Variants in NFIB observed in about 807,000 individuals in gnomAD.
The protein encoded by NFIB is nuclear factor I B.
A neutral mutation model predicts 61.5 loss-of-function variants in NFIB; 11 were observed. The ratio of observed to expected loss-of-function variants is 0.18; its 90% CI spans 0.11 to 0.30. The LOEUF is 0.30. Ranked by LOEUF, NFIB falls within the 10% of genes least tolerant of loss-of-function variation. NFIB has a pLI of 1.00. For synonymous variants in NFIB, 260 were observed against 216.5 expected (o/e 1.20, Z -1.76); for missense variants, 471 against 608.9 (o/e 0.77, Z 2.38).
chr9:14,221,412 A>C (rs1301977272), intron 2 of NFIB, among the ~76,000 whole-genome samples: 1 of 152,220 alleles, frequency 6.6e-6, no homozygotes, highest in Non-Finnish European at 1.5e-5. Flanking sequence ...AGCTAGATTT[A>C]AGCCATGAAA....
At chr9:14,254,213 A>C (rs2055963204) in intron 2 of NFIB, among the ~76,000 whole-genome samples, 2 of 152,226 alleles carry the variant, frequency 1.3e-5, no homozygotes. Context: ...AGGCATAAGA[A>C]TCGCTTGAAC....
rs549096307 is a variant in NFIB at position 14,306,740 on chromosome 9, T to C, written c.562+249A>G. On this transcript the variant is annotated intron_variant, in intron 2 of 10. Transcript: ENST00000380953. ...AAAAACAGTATTATTTTAAAGATAC[T>C]TGAAAACGCACCTCTTTGTGGTCTT... is the stretch of plus-strand genomic sequence containing the variant. Among the ~76,000 whole-genome samples, 5 of 152,338 alleles carry C rather than the reference T, an allele frequency of 3.3e-5. No individual in the cohort carries two copies. In the South Asian group the frequency reaches 1.0e-3, roughly 32 times the overall value.
intron 1 of NFIB, chr9:14,322,015 C>G: frequency 8.2e-7 from 1 of 1,222,154 alleles, no homozygotes; most frequent in Non-Finnish European, 1.0e-6. Context: ...CTTGACGTGT[C>G]TCAGGTACAG....
chr9:14,497,932 G>C, the NFIB span, among the ~76,000 whole-genome samples: 2 of 152,204 alleles, frequency 1.3e-5, no homozygotes, highest in African/African-American at 2.4e-5. Context: ...TTCAGAGATG[G>C]AGGAAGTACC....
At chr9:14,210,026 TAA>T (rs1421907194) in intron 2 of NFIB, among the ~76,000 whole-genome samples, 1 of 152,218 alleles carries the variant, frequency 6.6e-6, no homozygotes, top group African/African-American at 2.4e-5. Flanking sequence ...ATACTTGAAT[TAA>T]GTCATATAAA....
intron 10 of NFIB, among the ~76,000 whole-genome samples, chr9:14,100,954 G>A (rs1203943197): frequency 1.3e-5 from 2 of 152,064 alleles, no homozygotes; most frequent in Admixed American, 1.3e-4. Flanking sequence ...AACTGATAGA[G>A]CATGAAATAT....
At chr9:14,126,543 G>A (rs1218519489) in intron 6 of NFIB, among the ~76,000 whole-genome samples, 2 of 152,200 alleles carry the variant, frequency 1.3e-5, no homozygotes, top group African/African-American at 2.4e-5. Flanking sequence ...TGTGAATGAG[G>A]ATGACATTCT....
intron 1 of NFIB, among the ~76,000 whole-genome samples, chr9:14,387,955 A>AC (rs150559210): frequency 0.016 from 2,385 of 152,176 alleles, 56 homozygotes; most frequent in African/African-American, 0.055. Flanking sequence ...CACTTCTTCT[A>AC]CCCAACTGTG....
intron 2 of NFIB, among the ~76,000 whole-genome samples, chr9:14,285,499 A>G (rs1419926785): frequency 6.6e-6 from 1 of 152,156 alleles, no homozygotes; most frequent in African/African-American, 2.4e-5. Context: ...AGACTATATA[A>G]TATTTTCTTT....
chr9:14,246,422 G>A (rs959143290), intron 2 of NFIB, among the ~76,000 whole-genome samples: 2 of 152,016 alleles, frequency 1.3e-5, no homozygotes, highest in African/African-American at 4.8e-5. Flanking sequence ...CCTTCACCCT[G>A]CAAAATCCCA....
intron 2 of NFIB, among the ~76,000 whole-genome samples, chr9:14,200,761 T>C (rs1294465541): frequency 1.3e-5 from 2 of 152,200 alleles, no homozygotes; most frequent in African/African-American, 4.8e-5. Context: ...GGCCATCTTC[T>C]TGTCTTTGTA....
intron 6 of NFIB, among the ~76,000 whole-genome samples, chr9:14,128,854 CT>C (rs2040039816): frequency 6.6e-6 from 1 of 152,028 alleles, no homozygotes; most frequent in African/African-American, 2.4e-5. Flanking sequence ...CATGGGTCTC[CT>C]TTTGTAAAGG....
At chr9:14,193,066 G>A (rs779331055) in intron 2 of NFIB, among the ~76,000 whole-genome samples, 1 of 151,246 alleles carries the variant, frequency 6.6e-6, no homozygotes, top group African/African-American at 2.4e-5. Context: ...TCAGTACTAA[G>A]TACAAAATTC....
chr9:14,179,048 T>A (rs1295668722), intron 3 of NFIB, among the ~76,000 whole-genome samples: 1 of 152,140 alleles, frequency 6.6e-6, no homozygotes, highest in Non-Finnish European at 1.5e-5. Flanking sequence ...AAAAACTGCT[T>A]GTGCTAGTTT....
At chr9:14,345,094 G>T (rs930928050) in intron 1 of NFIB, among the ~76,000 whole-genome samples, 4 of 152,158 alleles carry the variant, frequency 2.6e-5, no homozygotes, top group African/African-American at 9.7e-5. Context: ...CCTCCCTGGG[G>T]GAACTGGCCA....
the NFIB span, among the ~76,000 whole-genome samples, chr9:14,431,787 A>G: frequency 6.6e-6 from 1 of 152,116 alleles, no homozygotes; most frequent in African/African-American, 2.4e-5. Flanking sequence ...GACAGAGGAG[A>G]GAAAACAGGA....
chr9:14,339,534 C>A lies in NFIB; in HGVS notation c.109-32014G>T, dbSNP rs137975150. Among the ~76,000 whole-genome samples the A allele has an allele frequency of 5.3e-3, 805 of 152,268 alleles. 7 individuals carry two copies. The highest frequency in any genetic ancestry group is 0.018 in the African/African-American group (743 of 41,534). The stretch of plus-strand genomic sequence containing the variant: ...GTTCACATCTCTGATATCCCCATGG[C>A]TCTTGCTGCTCTCACTGGTAGTAGC... On this transcript the variant is annotated intron_variant, in intron 1 of 8. Coordinates refer to the NFIB transcript ENST00000380934.
the NFIB span, among the ~76,000 whole-genome samples, chr9:14,491,855 T>C: frequency 6.6e-6 from 1 of 152,168 alleles, no homozygotes; most frequent in Non-Finnish European, 1.5e-5. Flanking sequence ...AAAATCATGA[T>C]GATGAAGGGA....
chr9:14,442,458 A>G, the NFIB span, among the ~76,000 whole-genome samples: 1 of 152,222 alleles, frequency 6.6e-6, no homozygotes, highest in Non-Finnish European at 1.5e-5. Flanking sequence ...TAGGGCCGCC[A>G]TAACAAAGCA....
Sources: gnomAD v4.1 joint callset for allele counts (sites outside exome capture counted in the v4.1 genomes callset) on GRCh38, gnomAD v4.1.1 for gene constraint, MANE v1.5 for transcripts, NCBI Gene and HGNC (gene_info 2026-07-23, HGNC 2026-07-21) for gene names.